The following PTPRS variants were observed in gnomAD, a reference collection of about 807,000 sequenced individuals.
PTPRS encodes receptor-type tyrosine-protein phosphatase S.
A neutral mutation model predicts 215.3 loss-of-function variants in PTPRS; 63 were observed. The ratio of observed to expected loss-of-function variants is 0.29; its 90% confidence interval spans 0.24 to 0.36. The LOEUF (loss-of-function observed/expected upper bound fraction) is 0.36. Ranked by LOEUF, PTPRS falls within the 10% of genes least tolerant of loss-of-function variation. The pLI is 1.00. For missense variants in PTPRS, 2,258 were observed against 2,825.8 expected (o/e 0.80, Z 4.56); for synonymous variants, 1,404 against 1,191.4 (o/e 1.18, Z -3.68).
intron 11 of PTPRS, among the ~76,000 whole-genome samples, chr19:5,243,123 C>G (rs1568461804): frequency 6.6e-6 from 1 of 150,770 alleles, no homozygotes; most frequent in East Asian, 1.9e-4. Flanking sequence ...CTGGCTAGCT[C>G]TCTTTTTTTT....
At chr19:5,323,475 G>A (rs2050085660) in intron 1 of PTPRS, among the ~76,000 whole-genome samples, 1 of 152,244 alleles carries the variant, frequency 6.6e-6, no homozygotes, top group South Asian at 2.1e-4. Context: ...GTTTAAATAG[G>A]GTGATCGGGG....
chr19:5,339,922 G>A lies in PTPRS; in HGVS notation c.-95+742C>T, dbSNP rs1311161090. On this transcript the variant is annotated intron_variant, in intron 1 of 37. Transcript: ENST00000262963. This position sits in a 1 kb window ranked among gnomAD's most constrained non-coding sequence, Gnocchi z 4.2. ...TGCCTGCCAGAGCCCCTGGGGCTGGGGGCTGAGGCTCGCCCCTGGGTGGGG... is the reference window on the plus strand; with the variant it reads ...TGCCTGCCAGAGCCCCTGGGGCTGGAGGCTGAGGCTCGCCCCTGGGTGGGG... 6.6e-6 allele frequency among the ~76,000 whole-genome samples: 1 copy of A among 151,926 alleles called. No individual in the cohort carries two copies. Among genetic ancestry groups the A allele is most frequent in the African/African-American group, 2.4e-5 (1 of 41,406 alleles).
At chr19:5,227,615 G>A (rs1486044287) in intron 16 of PTPRS, among the ~76,000 whole-genome samples, 2 of 148,972 alleles carry the variant, frequency 1.3e-5, no homozygotes, top group Non-Finnish European at 3.0e-5. Context: ...TCACCATGTT[G>A]GTCAGGTTGG....
At chr19:5,309,018 T>TAC (rs1176055993) in intron 1 of PTPRS, among the ~76,000 whole-genome samples, 1 of 152,100 alleles carries the variant, frequency 6.6e-6, no homozygotes, top group African/African-American at 2.4e-5. Context: ...CCCCTGGCCC[T>TAC]ACAGCCTGCC....
chr19:5,230,820 G>A (rs145269471), intron 14 of PTPRS, among the ~76,000 whole-genome samples: 3 of 152,104 alleles, frequency 2.0e-5, no homozygotes, highest in Non-Finnish European at 2.9e-5. Flanking sequence ...TCTAGGCTTC[G>A]ACCACGTGAC....
chr19:5,326,134 G>A (rs2050160330), intron 1 of PTPRS, among the ~76,000 whole-genome samples: 1 of 152,236 alleles, frequency 6.6e-6, no homozygotes, highest in African/African-American at 2.4e-5. Flanking sequence ...GGGAGGCTGA[G>A]GCAGGAGAAT....
chr19:5,224,428 A>G (rs914403514), intron 17 of PTPRS, among the ~76,000 whole-genome samples: 3 of 152,180 alleles, frequency 2.0e-5, no homozygotes, highest in Non-Finnish European at 4.4e-5. Context: ...CCCTTGCTCA[A>G]TGCAGGCACC....
At chr19:5,312,848 G>A (rs2049750540) in intron 1 of PTPRS, among the ~76,000 whole-genome samples, 1 of 152,192 alleles carries the variant, frequency 6.6e-6, no homozygotes, top group Non-Finnish European at 1.5e-5. Context: ...CTTGTCCAAG[G>A]TCACACAGCA....
chr19:5,269,443 G>GGAGT (rs1265623055), intron 4 of PTPRS, among the ~76,000 whole-genome samples: 1 of 152,106 alleles, frequency 6.6e-6, no homozygotes, highest in Non-Finnish European at 1.5e-5. Flanking sequence ...AGGAAGGCAG[G>GGAGT]GAGTGGCCCT....
chr19:5,271,776 G>C (rs1025739935), intron 4 of PTPRS, among the ~76,000 whole-genome samples: 2 of 151,912 alleles, frequency 1.3e-5, no homozygotes, highest in Non-Finnish European at 2.9e-5. Context: ...CCAGGCTGGA[G>C]TGCAATGGTG....
chr19:5,281,155 G>A (rs1281126847), intron 2 of PTPRS, among the ~76,000 whole-genome samples: 1 of 151,622 alleles, frequency 6.6e-6, no homozygotes, highest in Non-Finnish European at 1.5e-5. Flanking sequence ...ATTCAGGAAT[G>A]TTAATGGGTT....
At chr19:5,214,136 G>C (rs556338877) in intron 30 of PTPRS, among the ~76,000 whole-genome samples, 1 of 152,330 alleles carries the variant, frequency 6.6e-6, no homozygotes, top group Non-Finnish European at 1.5e-5. Context: ...GTTGGGCTCT[G>C]CCGGCTTTGT....
At chr19:5,304,684 G>A (rs923596187) in intron 1 of PTPRS, among the ~76,000 whole-genome samples, 8 of 152,070 alleles carry the variant, frequency 5.3e-5, no homozygotes, top group Admixed American at 3.3e-4. Flanking sequence ...GATCAGGGCT[G>A]TAATGGGGGA....
At chr19:5,314,428 C>T (rs1393596757) in intron 1 of PTPRS, among the ~76,000 whole-genome samples, 1 of 152,148 alleles carries the variant, frequency 6.6e-6, no homozygotes, top group Non-Finnish European at 1.5e-5. Context: ...CTGGATCCAA[C>T]TATGCCTGAA....
At chr19:5,209,111 A>C (rs2040633854) in intron 35 of PTPRS, among the ~76,000 whole-genome samples, 1 of 152,054 alleles carries the variant, frequency 6.6e-6, no homozygotes, top group African/African-American at 2.4e-5. Context: ...GTTCCACCCA[A>C]CACCATCATC....
At chr19:5,311,338 T>C (rs755394586) in intron 1 of PTPRS, among the ~76,000 whole-genome samples, 14 of 152,144 alleles carry the variant, frequency 9.2e-5, no homozygotes, top group Non-Finnish European at 1.9e-4. Context: ...TCTGATGCAT[T>C]CCACGAGGGA....
chr19:5,279,661 G>A (rs1034264931), intron 2 of PTPRS, among the ~76,000 whole-genome samples: 6 of 151,534 alleles, frequency 4.0e-5, no homozygotes, highest in African/African-American at 9.7e-5. Flanking sequence ...GTGAGCCACC[G>A]TGCCCAGCTG....
At chr19:5,318,921 A>C (rs2049952208) in intron 1 of PTPRS, among the ~76,000 whole-genome samples, 1 of 152,130 alleles carries the variant, frequency 6.6e-6, no homozygotes, top group Non-Finnish European at 1.5e-5. Context: ...CAATCTCTTG[A>C]TCTGTTTGTA....
chr19:5,296,762 C>T (rs369752330), intron 1 of PTPRS, among the ~76,000 whole-genome samples: 3 of 151,824 alleles, frequency 2.0e-5, no homozygotes, highest in Non-Finnish European at 1.5e-5. Context: ...AAGATGCGCA[C>T]GGCCTCAGAG....
Sources: allele counts gnomAD v4.1 joint callset (sites outside exome capture counted in the v4.1 genomes callset), GRCh38; gene constraint gnomAD v4.1.1; non-coding constraint Gnocchi (gnomAD v3.1); transcripts MANE v1.5; gene names NCBI Gene and HGNC (gene_info 2026-07-23, HGNC 2026-07-21).